Variants in FOXP1 observed in about 807,000 individuals in gnomAD.
The protein encoded by FOXP1 is forkhead box P1, also known as forkhead box protein P1.
FOXP1 carries 15 observed loss-of-function variants against 98.2 expected under a neutral mutation model. The ratio of observed to expected loss-of-function variants is 0.15; its 90% CI spans 0.10 to 0.24. FOXP1 has a LOEUF of 0.24. Among genes scored for constraint, FOXP1 ranks in the 10% least tolerant of loss-of-function variants. The pLI is 1.00. For missense variants in FOXP1, 633 were observed against 848.5 expected (o/e 0.75, Z 3.15); for synonymous variants, 371 against 314.5 (o/e 1.18, Z -1.90).
intron 5 of FOXP1, among the ~76,000 whole-genome samples, chr3:71,201,099 A>G (rs2063645557): frequency 1.3e-5 from 2 of 152,210 alleles, no homozygotes; most frequent in South Asian, 4.1e-4. Context: ...TTTCATTCTC[A>G]TGTCTTCAGA....
intron 2 of FOXP1, among the ~76,000 whole-genome samples, chr3:71,556,591 A>ATCT: frequency 6.6e-6 from 1 of 151,364 alleles, no homozygotes; most frequent in East Asian, 1.9e-4. Context: ...AAAAAAAAAA[A>ATCT]AAAAAAAAAA....
chr3:71,349,792 A>G (rs2077661380), intron 4 of FOXP1, among the ~76,000 whole-genome samples: 1 of 152,206 alleles, frequency 6.6e-6, no homozygotes, highest in Non-Finnish European at 1.5e-5. Context: ...AGGGCTTACC[A>G]GGTGATAGAA....
intron 14 of FOXP1, among the ~76,000 whole-genome samples, chr3:70,987,195 A>C (rs2107483016): frequency 6.6e-6 from 1 of 151,736 alleles, no homozygotes; most frequent in East Asian, 2.0e-4. Flanking sequence ...ATAATCAGTT[A>C]AAGCTACTAG....
At chr3:71,519,319 G>C (rs1235313223) in intron 2 of FOXP1, among the ~76,000 whole-genome samples, 1 of 152,182 alleles carries the variant, frequency 6.6e-6, no homozygotes, top group Non-Finnish European at 1.5e-5. Context: ...GAAGGCTGGG[G>C]ATACCATGAA....
intron 3 of FOXP1, among the ~76,000 whole-genome samples, chr3:71,393,789 T>G (rs747252125): frequency 3.9e-5 from 6 of 152,238 alleles, no homozygotes; most frequent in Non-Finnish European, 7.3e-5. Flanking sequence ...TAGGGCCACT[T>G]ACATGGCTCC....
intron 2 of FOXP1, among the ~76,000 whole-genome samples, chr3:71,505,798 G>C (rs914071604): frequency 3.3e-5 from 5 of 152,046 alleles, no homozygotes; most frequent in African/African-American, 1.2e-4. Context: ...TCACAACTGT[G>C]GGCATCGTCC....
chr3:71,551,039 C>T lies in FOXP1; in HGVS notation c.-298+30510G>A, dbSNP rs1190268144. Among the ~76,000 whole-genome samples, 5 of 152,124 alleles carry T rather than the reference C, an allele frequency of 3.3e-5. No homozygotes were observed. In the East Asian group the frequency reaches 9.6e-4, roughly 29 times the overall value. ...TTCATGCTCACTTCAATAATATTAC[C>T]AGGAAACACTGAGAAAACTGGTTTT... On this transcript the variant is annotated intron_variant, in intron 2 of 20. Transcript: ENST00000649528.
At chr3:71,005,624 C>T (rs975678513) in intron 12 of FOXP1, among the ~76,000 whole-genome samples, 1 of 152,076 alleles carries the variant, frequency 6.6e-6, no homozygotes, top group Non-Finnish European at 1.5e-5. Flanking sequence ...TCCAAAGACC[C>T]ACCCTTGATA....
Position 70,972,637 on chromosome 3 carries a change from CAA to C in FOXP1, c.1568_1569del (p.Phe523CysfsTer7). The C allele has an allele frequency of 6.2e-7, 1 of 1,613,954 alleles. No individual in the cohort carries two copies. Among genetic ancestry groups the C allele is most frequent in the Non-Finnish European group, 8.5e-7 (1 of 1,179,834 alleles). On this transcript the variant is annotated frameshift_variant, in exon 18 of 21. Transcript: ENST00000649528. LOFTEE classifies it high-confidence loss of function. Reference sequence around the variant, plus strand: ...GCCCCTTTAACGTTTTCTACTCGCACAAAACACTTGTGAAGACTAAGATTATG... The same window carrying C: ...GCCCCTTTAACGTTTTCTACTCGCACAACACTTGTGAAGACTAAGATTATG... ...VRHNLSLHKCFVRVENVKGAV... is the reference protein window; with the variant it reads ...VRHNLSLHKCXVRVENVKGAV...
intron 6 of FOXP1, among the ~76,000 whole-genome samples, chr3:71,169,523 G>A (rs2061543642): frequency 6.6e-6 from 1 of 152,070 alleles, no homozygotes; most frequent in Admixed American, 6.6e-5. Flanking sequence ...TGCAGAGCAT[G>A]TTCTCAGTTC....
At chr3:71,515,444 A>AC (rs1553906420) in intron 2 of FOXP1, among the ~76,000 whole-genome samples, 4 of 143,464 alleles carry the variant, frequency 2.8e-5, no homozygotes, top group African/African-American at 7.5e-5. Context: ...AAAAAAAAAA[A>AC]AAAAAAAAAC....
chr3:71,207,297 C>A (rs895004388), intron 5 of FOXP1, among the ~76,000 whole-genome samples: 1 of 151,270 alleles, frequency 6.6e-6, no homozygotes, highest in Non-Finnish European at 1.5e-5. Flanking sequence ...TACACGAGGC[C>A]AGGTTCATAA....
intron 5 of FOXP1, among the ~76,000 whole-genome samples, chr3:71,230,075 G>A (rs568785279): frequency 6.7e-6 from 1 of 148,448 alleles, no homozygotes; most frequent in South Asian, 2.2e-4. Flanking sequence ...AAACAGCAGG[G>A]CTGCAGGAAA....
intron 2 of FOXP1, among the ~76,000 whole-genome samples, chr3:71,530,872 T>TC (rs2107532480): frequency 6.6e-6 from 1 of 151,320 alleles, no homozygotes; most frequent in South Asian, 2.1e-4. Flanking sequence ...TGAAGAAAAC[T>TC]ACCCCCCAAC....
intron 19 of FOXP1, chr3:70,966,286 G>C: frequency 1.8e-6 from 1 of 552,622 alleles, no homozygotes; most frequent in Non-Finnish European, 3.3e-6. Flanking sequence ...AAGTGCCTGT[G>C]GGTAGGAAGG....
chr3:71,398,815 T>C (rs1560428277), intron 3 of FOXP1, among the ~76,000 whole-genome samples: 1 of 152,184 alleles, frequency 6.6e-6, no homozygotes, highest in East Asian at 1.9e-4. Context: ...TTAGTAGCCA[T>C]TTAGTCTACA....
chr3:71,067,916 A>T (rs2052731743), intron 7 of FOXP1, among the ~76,000 whole-genome samples: 2 of 138,040 alleles, frequency 1.4e-5, no homozygotes, highest in African/African-American at 5.2e-5. Flanking sequence ...AAACTGTCTT[A>T]AAAAATAAAA....
intron 6 of FOXP1, among the ~76,000 whole-genome samples, chr3:71,116,222 A>G: frequency 6.6e-6 from 1 of 152,188 alleles, no homozygotes; most frequent in Non-Finnish European, 1.5e-5. Flanking sequence ...AGTCATGTAT[A>G]AGTTTTTTTT....
At chr3:71,354,286 A>AT (rs1017780125) in intron 4 of FOXP1, among the ~76,000 whole-genome samples, 3 of 152,086 alleles carry the variant, frequency 2.0e-5, no homozygotes, top group Non-Finnish European at 2.9e-5. Flanking sequence ...TCCAGAAAAA[A>AT]AAAAAGAGAG....
Sources: allele counts gnomAD v4.1 joint callset (sites outside exome capture counted in the v4.1 genomes callset), GRCh38; gene constraint gnomAD v4.1.1; transcripts MANE v1.5; gene names NCBI Gene and HGNC (gene_info 2026-07-23, HGNC 2026-07-21).